PAK6: variants seen among roughly 807,000 people sequenced by gnomAD.
The protein encoded by PAK6 is p21 (RAC1) activated kinase 6.
PAK6 carries 33 observed loss-of-function variants against 60.8 expected under a neutral mutation model. The ratio of observed to expected loss-of-function variants is 0.54; its 90% confidence interval spans 0.41 to 0.73. The LOEUF (loss-of-function observed/expected upper bound fraction) is 0.73, where lower values mean the gene tolerates loss of function less well. PAK6 is among the 30% of genes least tolerant of loss of function. The pLI, the probability that PAK6 is intolerant of heterozygous loss-of-function variation, is 0.00. For missense variants in PAK6, 845 were observed against 904.1 expected (o/e 0.93, Z 0.84); for synonymous variants, 404 against 378.5 (o/e 1.07, Z -0.78).
intron 2 of PAK6, chr15:40,246,105 A>G (rs1039351768): frequency 2.0e-5 from 3 of 152,236 alleles, no homozygotes; most frequent in Admixed American, 6.5e-5. Context: ...TCTGTTGAAG[A>G]GATCTAACTA....
At chr15:40,248,792 C>T (rs1385075657) in intron 2 of PAK6, among the ~76,000 whole-genome samples, 2 of 152,192 alleles carry the variant, frequency 1.3e-5, no homozygotes, top group East Asian at 1.9e-4. Flanking sequence ...TTTTTTAAAA[C>T]ACAAATGCCT....
At chr15:40,248,662 C>T (rs1284878164) in intron 2 of PAK6, among the ~76,000 whole-genome samples, 3 of 152,240 alleles carry the variant, frequency 2.0e-5, no homozygotes, top group East Asian at 1.9e-4. Context: ...GCCCCTCTGC[C>T]CCTCACACCC....
At chr15:40,262,194 G>A (rs530389995) in intron 3 of PAK6, among the ~76,000 whole-genome samples, 123 of 152,282 alleles carry the variant, frequency 8.1e-4, no homozygotes, top group African/African-American at 2.9e-3. Flanking sequence ...CCAAGGGACT[G>A]GGGGAATAGA....
intron 2 of PAK6, chr15:40,246,186 C>T (rs1205582724): frequency 6.6e-6 from 1 of 152,286 alleles, no homozygotes; most frequent in African/African-American, 2.4e-5. Flanking sequence ...AGAAGGGAGT[C>T]ATGATGAGTG....
At chr15:40,273,822 G>C in intron 9 of PAK6, 146 bp downstream of exon 9, 2 of 984,054 alleles carry the variant, frequency 2.0e-6, no homozygotes, top group Non-Finnish European at 3.0e-6. Context: ...CTTTCGATGG[G>C]GCTGCTCTTA....
intron 4 of PAK6, among the ~76,000 whole-genome samples, chr15:40,265,447 G>C (rs535710586): frequency 2.0e-5 from 3 of 152,296 alleles, no homozygotes; most frequent in Non-Finnish European, 4.4e-5. Context: ...AGTGTGTGTG[G>C]AGGAGCCCCC....
Position 40,272,834 on chromosome 15 carries a change from TGCCTGGCACTCAGGCCCCC to T in PAK6, c.1357-26_1357-8del. 1.2e-6 allele frequency: 2 copies of T among 1,609,450 alleles called. No homozygotes were observed. Among genetic ancestry groups the T allele is most frequent in the Non-Finnish European group, 1.7e-6 (2 of 1,177,542 alleles). On this transcript the variant is annotated splice_polypyrimidine_tract_variant and intron_variant, in intron 6 of 10. Transcript: ENST00000560346. ...TGGGTGGCCATGCGTCTGGGCACTG[TGCCTGGCACTCAGGCCCCC>T]GCCTGCCCCCAGGTGGTGATCATGC...
chr15:40,274,716 C>G (rs1180561743), intron 10 of PAK6, among the ~76,000 whole-genome samples: 1 of 152,262 alleles, frequency 6.6e-6, no homozygotes, highest in East Asian at 1.9e-4. Flanking sequence ...GGCTCATGCT[C>G]CATCGTTGCA....
chr15:40,266,783 G>A, intron 5 of PAK6: 1 of 369,272 alleles, frequency 2.7e-6, no homozygotes, highest in Non-Finnish European at 4.8e-6. Flanking sequence ...CCTAGTCCAG[G>A]GGCAGCAGGA....
chr15:40,253,234 G>A (rs1201062038), exon 3 of PAK6: 2 of 455,984 alleles, frequency 4.4e-6, no homozygotes, highest in East Asian at 6.9e-5. Context: ...CAGCGCCTAA[G>A]AGAGAGGCCC....
chr15:40,243,408 C>T (rs2140940118), intron 2 of PAK6, among the ~76,000 whole-genome samples: 1 of 152,282 alleles, frequency 6.6e-6, no homozygotes, highest in South Asian at 2.1e-4. Flanking sequence ...AATTTCCTCT[C>T]CTGTCCAACA....
intron 3 of PAK6, among the ~76,000 whole-genome samples, chr15:40,263,571 G>C (rs1156536747): frequency 6.6e-6 from 1 of 152,192 alleles, no homozygotes; most frequent in African/African-American, 2.4e-5. Context: ...GGCAAAGCCA[G>C]AATCAGCAAG....
intron 10 of PAK6, 79 bp downstream of exon 10, chr15:40,274,355 A>G: frequency 6.9e-7 from 1 of 1,443,540 alleles, no homozygotes. Flanking sequence ...GGCTCCCAGC[A>G]TCTCCCTTCC....
chr15:40,272,742 A>G (rs2039344544), intron 6 of PAK6, 21 bp downstream of exon 6: 11 of 1,579,438 alleles, frequency 7.0e-6, no homozygotes, highest in Non-Finnish European at 9.5e-6. Flanking sequence ...AGGGTGGGAC[A>G]CAGACGGGGG....
chr15:40,266,968 T>C (rs544933379), intron 5 of PAK6: 12 of 155,226 alleles, frequency 7.7e-5, no homozygotes, highest in Admixed American at 7.1e-4. Flanking sequence ...CTTTTCCCAT[T>C]TGGCAGAGGA....
At chr15:40,274,757 C>G (rs1384764345) in intron 10 of PAK6, among the ~76,000 whole-genome samples, 2 of 152,246 alleles carry the variant, frequency 1.3e-5, no homozygotes, top group East Asian at 3.8e-4. Flanking sequence ...ACAGCGTTCC[C>G]CTTAAAGCCA....
chr15:40,274,482 C>T lies in PAK6; in HGVS notation c.1878+206C>T, dbSNP rs534128489. Among the ~76,000 whole-genome samples the T allele has an allele frequency of 7.5e-4, 115 of 152,372 alleles. 3 individuals are homozygous for T. The South Asian group carries it at 0.023, about 31-fold the overall frequency. On this transcript the variant is annotated intron_variant, in intron 10 of 10. Coordinates refer to ENST00000560346, the Ensembl canonical transcript of PAK6. ...TTCGCATGTGCGCTCCGACAAGTCG[C>T]CTCCCACGGCTGTGGCAGGAGAGTT...
At chr15:40,277,339 G>T (rs1003716971) in exon 11 of PAK6, 1 of 152,446 alleles carries the variant, frequency 6.6e-6, no homozygotes, top group South Asian at 2.1e-4. Flanking sequence ...AGATTCTTCT[G>T]CTCCCTAGTG....
chr15:40,264,558 A>G (rs1023043199), intron 3 of PAK6: 2 of 633,020 alleles, frequency 3.2e-6, no homozygotes, highest in Non-Finnish European at 5.7e-6. Flanking sequence ...CCTTGTTTAT[A>G]GTCTGCACTG....
Sources: gnomAD v4.1 joint callset for allele counts (sites outside exome capture counted in the v4.1 genomes callset) on GRCh38, gnomAD v4.1.1 for gene constraint, MANE v1.5 for transcripts, NCBI Gene and HGNC (gene_info 2026-07-23, HGNC 2026-07-21) for gene names.